Variants in ENOX2 observed in about 807,000 individuals in gnomAD.
The protein encoded by ENOX2 is ecto-NOX disulfide-thiol exchanger 2.
ENOX2 carries 36 observed loss-of-function variants against 45.0 expected under a neutral mutation model. The observed-to-expected ratio is 0.80, with a 90% CI of 0.61 to 1.06. ENOX2 has a LOEUF of 1.06. Ranked by LOEUF, ENOX2 falls within the 50% of genes least tolerant of loss-of-function variation. ENOX2 has a pLI of 0.00. For missense variants in ENOX2, 423 were observed against 462.5 expected (o/e 0.91, Z 0.78); for synonymous variants, 174 against 152.3 (o/e 1.14, Z -1.05).
chrX:130,876,923 T>A (rs2078715277), intron 2 of ENOX2, among the ~76,000 whole-genome samples: 1 of 111,919 alleles, frequency 8.9e-6, no homozygotes, highest in African/African-American at 3.2e-5. Context: ...ATTGGGAGTA[T>A]CTAAGCATAA....
At chrX:130,662,368 T>C (rs1202486857) in intron 9 of ENOX2, among the ~76,000 whole-genome samples, 1 of 112,276 alleles carries the variant, frequency 8.9e-6, no homozygotes, top group Middle Eastern at 4.2e-3. Flanking sequence ...GGTAGAAGGA[T>C]GACAATGAGA....
chrX:130,776,485 C>T (rs770202546), intron 3 of ENOX2, among the ~76,000 whole-genome samples: 2 of 110,135 alleles, frequency 1.8e-5, no homozygotes, highest in Non-Finnish European at 3.8e-5. Flanking sequence ...TCTCCCCCTC[C>T]ACTCTCTCTC....
chrX:130,692,746 A>ATT (rs59522175), intron 4 of ENOX2, among the ~76,000 whole-genome samples: 10 of 93,887 alleles, frequency 1.1e-4, no homozygotes, highest in African/African-American at 3.5e-4. Flanking sequence ...ATACCCGGCT[A>ATT]TTTTTTTTTT....
chrX:130,800,608 A>T (rs1402815502), intron 2 of ENOX2, among the ~76,000 whole-genome samples: 1 of 111,078 alleles, frequency 9.0e-6, no homozygotes, highest in African/African-American at 3.3e-5. Flanking sequence ...CCTTTTGGAG[A>T]TAGAATTGTG....
intron 2 of ENOX2, among the ~76,000 whole-genome samples, chrX:130,799,557 C>T (rs924414043): frequency 2.7e-5 from 3 of 111,866 alleles, no homozygotes; most frequent in Non-Finnish European, 5.6e-5. Flanking sequence ...GAAGAACAGG[C>T]CATAAAGATG....
At chrX:130,900,278 T>G (rs1383033366) in intron 2 of ENOX2, among the ~76,000 whole-genome samples, 1 of 112,920 alleles carries the variant, frequency 8.9e-6, no homozygotes, top group Admixed American at 9.3e-5. Context: ...ACTTTCTATT[T>G]TTATGAAGTA....
intron 2 of ENOX2, among the ~76,000 whole-genome samples, chrX:130,804,403 CTT>C (rs1343349213): frequency 8.9e-6 from 1 of 111,849 alleles, no homozygotes; most frequent in East Asian, 2.8e-4. Context: ...AGTAGCCTCT[CTT>C]GACACTCCAT....
intron 4 of ENOX2, among the ~76,000 whole-genome samples, chrX:130,698,503 G>T (rs1184474577): frequency 9.0e-6 from 1 of 110,957 alleles, no homozygotes; most frequent in African/African-American, 3.3e-5. Flanking sequence ...GTTTTGAAGA[G>T]ACATTAATTT....
chrX:130,633,108 G>T (rs2035826670), intron 12 of ENOX2, among the ~76,000 whole-genome samples: 1 of 111,862 alleles, frequency 8.9e-6, no homozygotes, highest in African/African-American at 3.3e-5. Flanking sequence ...TTGAAAGGAT[G>T]CTTATCACCT....
chrX:130,782,703 T>A (rs1010770973), intron 3 of ENOX2, among the ~76,000 whole-genome samples: 1 of 111,593 alleles, frequency 9.0e-6, no homozygotes, highest in Admixed American at 9.5e-5. Flanking sequence ...GTTATGCCCA[T>A]CCCCGAATCT....
At chrX:130,660,402 T>C (rs965534449) in intron 9 of ENOX2, among the ~76,000 whole-genome samples, 5 of 111,987 alleles carry the variant, frequency 4.5e-5, no homozygotes, top group Admixed American at 9.5e-5. Flanking sequence ...TCTGAGCTAC[T>C]TGTCTTCTGT....
intron 2 of ENOX2, among the ~76,000 whole-genome samples, chrX:130,871,627 C>T (rs2078592685): frequency 9.0e-6 from 1 of 111,142 alleles, no homozygotes; most frequent in African/African-American, 3.3e-5. Flanking sequence ...AGGGCGAGGA[C>T]AAACAATCAA....
intron 2 of ENOX2, among the ~76,000 whole-genome samples, chrX:130,853,525 G>A (rs940122585): frequency 9.3e-6 from 1 of 107,510 alleles, no homozygotes; most frequent in Non-Finnish European, 1.9e-5. Flanking sequence ...GGACCAAGAA[G>A]GGGGAGTACA....
chrX:130,874,376 C>T (rs2078654840), intron 2 of ENOX2, among the ~76,000 whole-genome samples: 1 of 112,021 alleles, frequency 8.9e-6, no homozygotes, highest in Non-Finnish European at 1.9e-5. Flanking sequence ...GAAGAAAGGG[C>T]AAAAGCCAAT....
At chrX:130,822,248 G>A in intron 2 of ENOX2, among the ~76,000 whole-genome samples, 2 of 111,245 alleles carry the variant, frequency 1.8e-5, no homozygotes, top group Middle Eastern at 9.3e-3. Flanking sequence ...TGTACAGATG[G>A]TCCTTGACAT....
chrX:130,632,649 G>C (rs769873071), intron 12 of ENOX2, among the ~76,000 whole-genome samples: 1 of 111,818 alleles, frequency 8.9e-6, no homozygotes, highest in East Asian at 2.8e-4. Context: ...CAAACCCTTA[G>C]AAGGGACAGG....
chrX:130,858,000 T>C (rs2078340995), intron 2 of ENOX2, among the ~76,000 whole-genome samples: 1 of 111,389 alleles, frequency 9.0e-6, no homozygotes, highest in Non-Finnish European at 1.9e-5. Flanking sequence ...GAAATACTAC[T>C]ACGCATTTGA....
chrX:130,759,293 T>C (rs1316469313), intron 3 of ENOX2, among the ~76,000 whole-genome samples: 3 of 111,312 alleles, frequency 2.7e-5, no homozygotes, highest in Non-Finnish European at 5.7e-5. Context: ...CCAGTATCAC[T>C]GAAAAGGTCA....
At chrX:130,859,205 C>G (rs924868346) in intron 2 of ENOX2, among the ~76,000 whole-genome samples, 13 of 111,758 alleles carry the variant, frequency 1.2e-4, no homozygotes, top group African/African-American at 3.3e-4. Context: ...CACCTGTAAT[C>G]CAAGCTACTC....
Sources: gnomAD v4.1 joint callset for allele counts (sites outside exome capture counted in the v4.1 genomes callset) on GRCh38, gnomAD v4.1.1 for gene constraint, MANE v1.5 for transcripts, NCBI Gene and HGNC (gene_info 2026-07-23, HGNC 2026-07-21) for gene names.